The following PCDHGA5 variants were observed in gnomAD, a reference collection of about 807,000 sequenced individuals.
PCDHGA5 encodes protocadherin gamma subfamily A, 5, also known as protocadherin gamma-A5.
PCDHGA5 carries 36 observed loss-of-function variants against 56.7 expected under a neutral mutation model. The observed-to-expected ratio is 0.64, with a 90% CI of 0.49 to 0.84. The LOEUF (loss-of-function observed/expected upper bound fraction) is 0.84. PCDHGA5 is among the 40% of genes least tolerant of loss of function. The probability of loss-of-function intolerance (pLI) is 0.00; values close to 1 mark genes in which losing one functional copy is unlikely to be tolerated. For synonymous variants in PCDHGA5, 563 were observed against 520.2 expected, an observed-to-expected ratio of 1.08 and a Z score of -1.12; for missense variants, 1,305 against 1,201.5, an observed-to-expected ratio of 1.09 and a Z score of -1.27.
At chr5:141,428,134 T>C (rs746772496) in intron 1 of PCDHGA5, 1 of 1,600,266 alleles carries the variant, frequency 6.2e-7, no homozygotes, top group Non-Finnish European at 8.5e-7. Flanking sequence ...CTTTTCAGCC[T>C]GGGGCTGCAC....
At chr5:141,388,579 T>A (rs113550354) in intron 1 of PCDHGA5, 7 of 1,613,908 alleles carry the variant, frequency 4.3e-6, no homozygotes, top group Non-Finnish European at 5.1e-6. Flanking sequence ...CACGTTCTAG[T>A]GACTGATGCC....
chr5:141,375,216 T>A (rs1368760534), intron 1 of PCDHGA5: 1 of 1,614,014 alleles, frequency 6.2e-7, no homozygotes, highest in Admixed American at 1.7e-5. Context: ...GACTCTGGCC[T>A]GAATGGCCTG....
intron 1 of PCDHGA5, among the ~76,000 whole-genome samples, chr5:141,406,301 A>C (rs1447923303): frequency 6.6e-6 from 1 of 151,966 alleles, no homozygotes; most frequent in Non-Finnish European, 1.5e-5. Context: ...TGAGGTGTGA[A>C]CCACCTCACC....
chr5:141,376,631 G>A (rs1250313764), intron 1 of PCDHGA5: 5 of 1,182,416 alleles, frequency 4.2e-6, no homozygotes, highest in East Asian at 2.7e-5. Context: ...AGGAAGATTC[G>A]TGATTTTGTA....
intron 1 of PCDHGA5, among the ~76,000 whole-genome samples, chr5:141,459,461 G>A (rs1217201752): frequency 6.6e-6 from 1 of 152,214 alleles, no homozygotes; most frequent in Non-Finnish European, 1.5e-5. Flanking sequence ...GGACATTTGA[G>A]TTGTGTCCAG....
chr5:141,415,428 G>A, intron 1 of PCDHGA5: 1 of 1,614,206 alleles, frequency 6.2e-7, no homozygotes, highest in Non-Finnish European at 8.5e-7. Flanking sequence ...ACGGGGTTCG[G>A]GCTTTCCTGC....
At position 141,432,880 on chromosome 5, in the gene PCDHGA5, C is replaced by A. The variant is rs865848752; in HGVS notation, c.2422-61927C>A. 3 of 1,614,194 alleles carry A rather than the reference C, an allele frequency of 1.9e-6. No homozygotes were observed. The highest frequency in any genetic ancestry group is 2.5e-6 in the Non-Finnish European group (3 of 1,180,008). ...CGGTCTCCTGCGTCTTCCTGGCCTT[C>A]GTCATCTTGCTGCTGGCGCTCAGGC... On this transcript the variant is annotated intron_variant, in intron 1 of 3. Coordinates refer to ENST00000518069, the MANE Select transcript of PCDHGA5 (RefSeq NM_018918.3). The surrounding 1 kb of genome is among the most constrained non-coding windows in gnomAD (Gnocchi z 6.0).
In PCDHGA5 at chr5:141,383,217, T is replaced by C. The variant is rs367646444; in HGVS notation, c.2421+16466T>C. The stretch of plus-strand genomic sequence containing the variant: ...AGAGTGCGCGGTGTCTGGTAAACTT[T>C]AACATCCTGATGGAAGATAAAATGA... On this transcript the variant is annotated intron_variant, in intron 1 of 3. Coordinates refer to ENST00000518069, the MANE Select transcript of PCDHGA5 (RefSeq NM_018918.3). 8.1e-6 allele frequency: 13 copies of C among 1,613,876 alleles called. 1 individual carries two copies. The Admixed American group carries it at 1.0e-4, about 12-fold the overall frequency.
intron 1 of PCDHGA5, chr5:141,417,834 G>A (rs1382990900): frequency 2.0e-6 from 3 of 1,530,144 alleles, no homozygotes; most frequent in Middle Eastern, 3.5e-4. Context: ...GGAAAAGCGG[G>A]GACCCAGCGA....
intron 1 of PCDHGA5, chr5:141,392,803 G>A: frequency 6.4e-7 from 1 of 1,573,156 alleles, no homozygotes. Context: ...GGATTCTGCA[G>A]CAAAACAACA....
intron 1 of PCDHGA5, chr5:141,419,008 G>T: frequency 6.2e-7 from 1 of 1,613,978 alleles, no homozygotes; most frequent in Non-Finnish European, 8.5e-7. Flanking sequence ...GGGAAGTCAG[G>T]TGTAGCTTAA....
At position 141,410,454 on chromosome 5, in the gene PCDHGA5, C is replaced by T. The variant is rs199849689; in HGVS notation, c.2421+43703C>T. 5,103 of 1,614,034 alleles carry T rather than the reference C, an allele frequency of 3.2e-3. 16 individuals are homozygous for T. Among genetic ancestry groups the T allele is most frequent in the Non-Finnish European group, 4.0e-3 (4,661 of 1,179,898 alleles). On this transcript the variant is annotated intron_variant, in intron 1 of 3. Transcript: ENST00000518069. ...TACAGTGAGGGGACTTTGCCTTATT[C>T]TTATAATCTGTGCATTGCACATACG... is the stretch of plus-strand genomic sequence containing the variant.
Position 141,485,057 on chromosome 5 carries a change from C to T in PCDHGA5, c.2422-9750C>T. 1 of 843,720 alleles carries T rather than the reference C, an allele frequency of 1.2e-6. No individual in the cohort carries two copies. The highest frequency in any genetic ancestry group is 1.9e-6 in the Non-Finnish European group (1 of 524,586). 52.3% of individuals were successfully genotyped at this position (843,720 alleles called of 1,614,324 possible). On this transcript the variant is annotated intron_variant, in intron 1 of 3. Transcript: ENST00000518069. This position sits in a 1 kb window ranked among gnomAD's most constrained non-coding sequence, Gnocchi z 5.7. The stretch of plus-strand genomic sequence containing the variant: ...GTAACCCTTGCGGCGCCGGCCGAAC[C>T]GCGCCAGAGCTGGCGCGGGGAAAGG...
rs747159210 is a variant in PCDHGA5, at chr5:141,511,184, A to C, written c.*11A>C. 1.2e-5 allele frequency: 19 copies of C among 1,613,876 alleles called. No homozygotes were observed. In the Admixed American group the frequency reaches 3.2e-4, roughly 27 times the overall value. ...AAGGAGAAGAAGTAACATGGAGGCC[A>C]GGCCAAGAGCCACAGGGCGGCCTCT... is the stretch of plus-strand genomic sequence containing the variant. On this transcript the variant is annotated 3_prime_UTR_variant, in exon 4 of 4. Transcript: ENST00000518069.
chr5:141,472,954 C>A (rs2099305799), intron 1 of PCDHGA5, among the ~76,000 whole-genome samples: 1 of 143,370 alleles, frequency 7.0e-6, no homozygotes, highest in Admixed American at 7.3e-5. Flanking sequence ...CCATTGCACT[C>A]CAGCCTGGGG....
At position 141,486,112 on chromosome 5, in the gene PCDHGA5, G is replaced by A; in HGVS notation, c.2422-8695G>A. ...TGGGGCCCCTAGACTTTGAGAGTGA[G>A]AATTACTATGAATTTGATGTGCGGG... On this transcript the variant is annotated intron_variant, in intron 1 of 3. Transcript: ENST00000518069. This position sits in a 1 kb window ranked among gnomAD's most constrained non-coding sequence, Gnocchi z 5.0. 1 of 1,614,166 alleles carries A rather than the reference G, an allele frequency of 6.2e-7. No homozygotes were observed. Among genetic ancestry groups the A allele is most frequent in the Non-Finnish European group, 8.5e-7 (1 of 1,180,024 alleles).
In PCDHGA5 at chr5:141,432,512, G is replaced by A. The variant is rs751785850; in HGVS notation, c.2422-62295G>A. ...GCTGGCTCCCCGCTCCGCAGAGCCC[G>A]GCTACCTGGTGACCAAGGTGGTGGC... On this transcript the variant is annotated intron_variant, in intron 1 of 3. Transcript: ENST00000518069. The surrounding 1 kb of genome is among the most constrained non-coding windows in gnomAD (Gnocchi z 6.0). 3 of 1,614,108 alleles carry A rather than the reference G, an allele frequency of 1.9e-6. No homozygotes were observed. Among genetic ancestry groups the A allele is most frequent in the Non-Finnish European group, 2.5e-6 (3 of 1,180,030 alleles).
intron 1 of PCDHGA5, among the ~76,000 whole-genome samples, chr5:141,452,713 T>TGAGG (rs2098747318): frequency 6.7e-6 from 1 of 148,530 alleles, no homozygotes; most frequent in Non-Finnish European, 1.5e-5. Flanking sequence ...AAGGAAGGAA[T>TGAGG]GAGGGAGGGA....
chr5:141,490,344 AGTGGGGTTGTTTAAT>A lies in PCDHGA5; in HGVS notation c.2422-4459_2422-4445del. The A allele has an allele frequency of 6.2e-7, 1 of 1,614,178 alleles. No individual in the cohort carries two copies. The highest frequency in any genetic ancestry group is 8.5e-7 in the Non-Finnish European group (1 of 1,180,030). ...TAGAGAGCACACCAGTGGGCACAGT[AGTGGGGTTGTTTAAT>A]GTGCGAGACCGGGACTCAGGTAGAA... On this transcript the variant is annotated intron_variant, in intron 1 of 3. Coordinates refer to ENST00000518069, the MANE Select transcript of PCDHGA5 (RefSeq NM_018918.3). This position sits in a 1 kb window ranked among gnomAD's most constrained non-coding sequence, Gnocchi z 5.4.
Sources: gnomAD v4.1 joint callset for allele counts (sites outside exome capture counted in the v4.1 genomes callset) on GRCh38, gnomAD v4.1.1 for gene constraint, Gnocchi (gnomAD v3.1) non-coding constraint, MANE v1.5 for transcripts, NCBI Gene and HGNC (gene_info 2026-07-23, HGNC 2026-07-21) for gene names.